SLC71A1: variants seen among roughly 807,000 people sequenced by gnomAD.
The protein encoded by SLC71A1 is hippocampus abundant gene transcript 1.
chr1:100,039,528 T>C, the SLC71A1 span, among the ~76,000 whole-genome samples: 1 of 152,216 alleles, frequency 6.6e-6, no homozygotes, highest in African/African-American at 2.4e-5. Context: ...AGCTTTGACA[T>C]TTATTGAAAA....
chr1:100,082,176 C>A, the SLC71A1 span: 1 of 1,614,048 alleles, frequency 6.2e-7, no homozygotes, highest in Non-Finnish European at 8.5e-7. Flanking sequence ...CAGGAGAGGC[C>A]AAAGAACCTT....
chr1:100,076,093 AC>A, the SLC71A1 span, among the ~76,000 whole-genome samples: 1 of 152,184 alleles, frequency 6.6e-6, no homozygotes, highest in Non-Finnish European at 1.5e-5. Flanking sequence ...TCTTATACTC[AC>A]GTGATTTAAG....
chr1:100,072,564 T>G, the SLC71A1 span, among the ~76,000 whole-genome samples: 1 of 150,516 alleles, frequency 6.6e-6, no homozygotes, highest in South Asian at 2.1e-4. Context: ...AGGTCATTGG[T>G]TTTTTTCCAT....
chr1:100,055,997 C>T, the SLC71A1 span, among the ~76,000 whole-genome samples: 8 of 152,036 alleles, frequency 5.3e-5, no homozygotes, highest in East Asian at 5.8e-4. Context: ...GTGCTCTGCC[C>T]GCCTCAGCCT....
chr1:100,050,292 G>T, the SLC71A1 span, among the ~76,000 whole-genome samples: 1 of 152,104 alleles, frequency 6.6e-6, no homozygotes. Flanking sequence ...AAACCGACAG[G>T]TTTAGAAAAG....
chr1:100,048,835 A>G, the SLC71A1 span, among the ~76,000 whole-genome samples: 2 of 152,204 alleles, frequency 1.3e-5, no homozygotes, highest in East Asian at 1.9e-4. Flanking sequence ...AAATGTTTCA[A>G]GTAAAGAGGG....
the SLC71A1 span, among the ~76,000 whole-genome samples, chr1:100,058,490 C>T: frequency 6.6e-6 from 1 of 152,088 alleles, no homozygotes; most frequent in South Asian, 2.1e-4. Flanking sequence ...TGCCCTGTGA[C>T]ATATTAAGTA....
chr1:100,080,492 G>T, the SLC71A1 span: 1 of 1,612,274 alleles, frequency 6.2e-7, no homozygotes, highest in South Asian at 1.1e-5. Flanking sequence ...TTTAAACAAT[G>T]TAGGTGTCGT....
chr1:100,042,899 G>A, the SLC71A1 span, among the ~76,000 whole-genome samples: 23 of 151,964 alleles, frequency 1.5e-4, no homozygotes, highest in African/African-American at 4.1e-4. Flanking sequence ...CAGCCACTGC[G>A]CCTGGCCCCG....
At chr1:100,064,964 C>G in the SLC71A1 span, among the ~76,000 whole-genome samples, 6 of 152,224 alleles carry the variant, frequency 3.9e-5, no homozygotes, top group East Asian at 1.2e-3. Flanking sequence ...CAGCTCACTG[C>G]AGCCTCTGTC....
At chr1:100,048,808 G>A in the SLC71A1 span, among the ~76,000 whole-genome samples, 1 of 152,218 alleles carries the variant, frequency 6.6e-6, no homozygotes, top group African/African-American at 2.4e-5. Context: ...GTTTTAATCA[G>A]TGCTCAAAGA....
chr1:100,075,559 G>A, the SLC71A1 span, among the ~76,000 whole-genome samples: 6 of 152,048 alleles, frequency 3.9e-5, no homozygotes, highest in Admixed American at 1.3e-4. Flanking sequence ...ATAATTAATT[G>A]AAAGCCAGTC....
chr1:100,059,661 C>T, the SLC71A1 span, among the ~76,000 whole-genome samples: 1 of 151,820 alleles, frequency 6.6e-6, no homozygotes, highest in Non-Finnish European at 1.5e-5. Flanking sequence ...TAGAGCAGTT[C>T]ATATTTAATA....
chr1:100,040,247 T>A, the SLC71A1 span, among the ~76,000 whole-genome samples: 1 of 152,226 alleles, frequency 6.6e-6, no homozygotes, highest in Non-Finnish European at 1.5e-5. Context: ...CATTCCTAGA[T>A]GAATTTTTAT....
the SLC71A1 span, among the ~76,000 whole-genome samples, chr1:100,071,322 A>C: frequency 1.5e-3 from 211 of 145,222 alleles, 4 homozygotes; most frequent in African/African-American, 5.0e-3. Context: ...AAAAAGAAAG[A>C]AAGCCCGGTG....
the SLC71A1 span, among the ~76,000 whole-genome samples, chr1:100,070,663 T>G: frequency 6.6e-6 from 1 of 152,200 alleles, no homozygotes; most frequent in African/African-American, 2.4e-5. Context: ...CTATCTTTTT[T>G]CCAGTGACCA....
At chr1:100,069,762 G>GT in the SLC71A1 span, 4 of 854,250 alleles carry the variant, frequency 4.7e-6, no homozygotes, top group Non-Finnish European at 4.0e-6. Flanking sequence ...TCTAGTGATG[G>GT]TATCTTGGTG....
chr1:100,068,383 AC>A, the SLC71A1 span: 1 of 977,178 alleles, frequency 1.0e-6, no homozygotes, highest in Non-Finnish European at 1.6e-6. Context: ...CCATGAGTAC[AC>A]TGCCAAAAGG....
the SLC71A1 span, among the ~76,000 whole-genome samples, chr1:100,066,853 G>A: frequency 6.6e-6 from 1 of 151,982 alleles, no homozygotes; most frequent in African/African-American, 2.4e-5. Context: ...GCCGGGCGAG[G>A]TGGCGGGCGC....
Sources: gnomAD v4.1 joint callset for allele counts (sites outside exome capture counted in the v4.1 genomes callset) on GRCh38, gnomAD v4.1.1 for gene constraint, MANE v1.5 for transcripts, NCBI Gene and HGNC (gene_info 2026-07-23, HGNC 2026-07-21) for gene names.